The following NCOA3 variants were observed in gnomAD, a reference collection of about 807,000 sequenced individuals.
NCOA3 encodes the protein CBP-interacting protein.
NCOA3 carries 51 observed loss-of-function variants against 158.8 expected under a neutral mutation model. That is an observed-to-expected ratio of 0.32 (90% confidence interval 0.26 to 0.41). The LOEUF (loss-of-function observed/expected upper bound fraction) is 0.41. NCOA3 is among the 10% of genes least tolerant of loss of function. The pLI, the probability that NCOA3 is intolerant of heterozygous loss-of-function variation, is 1.00. For missense variants in NCOA3, 1,510 were observed against 1,746.6 expected (o/e 0.86, Z 2.41); for synonymous variants, 537 against 592.4 (o/e 0.91, Z 1.36).
At chr20:47,619,163 G>T (rs1366698634) in intron 2 of NCOA3, among the ~76,000 whole-genome samples, 1 of 152,068 alleles carries the variant, frequency 6.6e-6, no homozygotes, top group Non-Finnish European at 1.5e-5. Context: ...TCCTTACTGA[G>T]TATTCAACTT....
Position 47,653,488 on chromosome 20 carries a change from ATCATTGTTCCAGG to A in NCOA3, c.*72_*84del. On this transcript the variant is annotated 3_prime_UTR_variant, in exon 23 of 23. Transcript: ENST00000371998. ...ACTGCACTAGGATTATTGGGAAGGA[ATCATTGTTCCAGG>A]CATCCATCTTGGAAGAAAGGACCAG... 6.5e-7 allele frequency: 1 copy of A among 1,538,976 alleles called. No homozygotes were observed. Among genetic ancestry groups the A allele is most frequent in the East Asian group, 2.2e-5 (1 of 44,478 alleles).
intron 2 of NCOA3, among the ~76,000 whole-genome samples, chr20:47,621,279 G>T: frequency 6.7e-6 from 1 of 150,168 alleles, no homozygotes; most frequent in African/African-American, 2.5e-5. Context: ...TTTTTTTAAA[G>T]CTACACATTT....
chr20:47,570,937 T>TACACACACACAC (rs201885909), intron 1 of NCOA3, among the ~76,000 whole-genome samples: 20 of 111,760 alleles, frequency 1.8e-4, no homozygotes, highest in Admixed American at 5.1e-4. Flanking sequence ...CAGTAATATA[T>TACACACACACAC]ATACACACAC....
At position 47,655,307 on chromosome 20, in the gene NCOA3, CTG is replaced by C. The variant is rs1213418971; in HGVS notation, c.*1893_*1894del. On this transcript the variant is annotated 3_prime_UTR_variant, in exon 23 of 23. Transcript: ENST00000371998. ...TTGACGGAATTGGGTTTCTGAATGTCTGTGAATTTCAGAGGTCTCTGCTAGCC... is the reference window on the plus strand; with the variant it reads ...TTGACGGAATTGGGTTTCTGAATGTCTGAATTTCAGAGGTCTCTGCTAGCC... 1 of 152,142 alleles carries C rather than the reference CTG, an allele frequency of 6.6e-6. No homozygotes were observed. Among genetic ancestry groups the C allele is most frequent in the Non-Finnish European group, 1.5e-5 (1 of 68,030 alleles). The allele number at this position is 152,142 out of a possible 1,614,324, so 9.4% of individuals were successfully genotyped here. A position where few individuals can be genotyped will look rare whatever the true frequency, so the allele number is the denominator to read the frequency against.
At chr20:47,625,769 A>G (rs548480589) in intron 5 of NCOA3, among the ~76,000 whole-genome samples, 26 of 152,264 alleles carry the variant, frequency 1.7e-4, no homozygotes, top group African/African-American at 6.3e-4. Context: ...GTAGCCTGTA[A>G]TTTCACAGAG....
chr20:47,603,337 G>T (rs1383338102), intron 2 of NCOA3, among the ~76,000 whole-genome samples: 2 of 152,238 alleles, frequency 1.3e-5, no homozygotes, highest in Non-Finnish European at 2.9e-5. Flanking sequence ...TCTGTTCCGT[G>T]CTCTCAAACC....
At chr20:47,526,734 A>G (rs2084458733) in intron 1 of NCOA3, among the ~76,000 whole-genome samples, 1 of 152,192 alleles carries the variant, frequency 6.6e-6, no homozygotes, top group African/African-American at 2.4e-5. Flanking sequence ...TCGGCTCGGC[A>G]TCAGAGGGAG....
At chr20:47,611,350 C>A (rs970004287) in intron 2 of NCOA3, among the ~76,000 whole-genome samples, 1 of 152,164 alleles carries the variant, frequency 6.6e-6, no homozygotes, top group African/African-American at 2.4e-5. Context: ...TTATTTATCT[C>A]TTTCTTCCTC....
At chr20:47,604,705 T>G (rs1229874758) in intron 2 of NCOA3, among the ~76,000 whole-genome samples, 1 of 152,234 alleles carries the variant, frequency 6.6e-6, no homozygotes, top group Non-Finnish European at 1.5e-5. Flanking sequence ...TCCAAAGTGC[T>G]GGCAATGTAG....
At chr20:47,587,445 A>G (rs2085553506) in intron 2 of NCOA3, among the ~76,000 whole-genome samples, 2 of 152,332 alleles carry the variant, frequency 1.3e-5, no homozygotes, top group African/African-American at 4.8e-5. Flanking sequence ...ATACATGTAC[A>G]TATACATACT....
At chr20:47,641,868 C>T (rs149692435) in intron 16 of NCOA3, among the ~76,000 whole-genome samples, 54 of 152,194 alleles carry the variant, frequency 3.5e-4, no homozygotes, top group African/African-American at 1.2e-3. Flanking sequence ...TTATTACCTC[C>T]TTCACTGTTT....
intron 6 of NCOA3, 61 bp from the exon 7 acceptor site, chr20:47,627,500 A>G (rs2086342250): frequency 1.5e-6 from 2 of 1,302,932 alleles, no homozygotes; most frequent in African/African-American, 1.5e-5. Flanking sequence ...TGAATTCTTG[A>G]TGATGGTCAT....
chr20:47,553,413 T>C (rs1466707330), intron 1 of NCOA3, among the ~76,000 whole-genome samples: 1 of 152,058 alleles, frequency 6.6e-6, no homozygotes, highest in East Asian at 1.9e-4. Context: ...TTATTATTAT[T>C]ATACTTTAAG....
chr20:47,644,059 T>C lies in NCOA3; in HGVS notation c.3252+1675T>C, dbSNP rs184916997. 3.3e-3 allele frequency among the ~76,000 whole-genome samples: 495 copies of C among 152,184 alleles called. 2 individuals are homozygous for C. The highest frequency in any genetic ancestry group is 4.7e-3 in the Non-Finnish European group (318 of 68,008). On this transcript the variant is annotated intron_variant, in intron 17 of 22. Coordinates refer to ENST00000371998, the MANE Select transcript of NCOA3 (RefSeq NM_181659.3). ...AGGGGTGTTTTCTTGTATAATTTCT[T>C]TATTAACCTTATCTCTCCTGTGTTT...
Position 47,651,116 on chromosome 20 carries a change from G to GCAACAGCAA in NCOA3, c.3788_3789insACAGCAACA (p.Gln1274_Gln1276dup). Reference sequence around the variant, plus strand: ...AACAGCAGCAGCAGCAGCAGCAGCAGCAGCAACAGCAACAGCAACAGCAAC... The same window carrying GCAACAGCAA: ...AACAGCAGCAGCAGCAGCAGCAGCAGCAACAGCAACAGCAACAGCAACAGCAACAGCAAC... On this transcript the variant is annotated inframe_insertion, in exon 20 of 23. Coordinates refer to ENST00000371998, the MANE Select transcript of NCOA3 (RefSeq NM_181659.3). The GCAACAGCAA allele has an allele frequency of 6.8e-7, 1 of 1,460,424 alleles. No individual in the cohort carries two copies. Among genetic ancestry groups the GCAACAGCAA allele is most frequent in the South Asian group, 1.2e-5 (1 of 80,718 alleles). The allele number at this position is 1,460,424 out of a possible 1,614,324, so 90.5% of individuals were successfully genotyped here.
At chr20:47,631,951 G>A (rs888998891) in intron 8 of NCOA3, among the ~76,000 whole-genome samples, 3 of 152,088 alleles carry the variant, frequency 2.0e-5, no homozygotes, top group Non-Finnish European at 4.4e-5. Flanking sequence ...ACTAACCAGC[G>A]CTCTGTCTGA....
intron 2 of NCOA3, among the ~76,000 whole-genome samples, chr20:47,620,275 TATTTTTAAAAAAA>T (rs1231844618): frequency 6.6e-6 from 1 of 151,970 alleles, no homozygotes; most frequent in Non-Finnish European, 1.5e-5. Context: ...ATGCCTGGCT[TATTTTTAAAAAAA>T]TTTTGTAGAG....
intron 17 of NCOA3, among the ~76,000 whole-genome samples, chr20:47,645,388 C>T (rs1261849376): frequency 1.3e-5 from 2 of 151,980 alleles, no homozygotes; most frequent in Non-Finnish European, 2.9e-5. Context: ...ACTGGAGTCT[C>T]AATAGATCTG....
At chr20:47,653,265 A>G (rs1333067442) in intron 22 of NCOA3, 141 bp from the exon 23 acceptor site, 3 of 1,205,474 alleles carry the variant, frequency 2.5e-6, no homozygotes, top group Non-Finnish European at 3.5e-6. Context: ...GCTGCATTGT[A>G]AGATGGGATC....
Sources: gnomAD v4.1 joint callset for allele counts (sites outside exome capture counted in the v4.1 genomes callset) on GRCh38, gnomAD v4.1.1 for gene constraint, MANE v1.5 for transcripts, NCBI Gene and HGNC (gene_info 2026-07-23, HGNC 2026-07-21) for gene names.